The following TRIM9 variants were observed in gnomAD, a reference collection of about 807,000 sequenced individuals.
TRIM9 encodes the protein E3 ubiquitin-protein ligase TRIM9.
Under a neutral mutation model 78.3 loss-of-function variants are expected in TRIM9, and 26 were observed. The observed-to-expected ratio is 0.33, with a 90% CI of 0.24 to 0.46. The LOEUF (loss-of-function observed/expected upper bound fraction) is 0.46, where lower values mean the gene tolerates loss of function less well. Ranked by LOEUF, TRIM9 falls within the 20% of genes least tolerant of loss-of-function variation. The probability of loss-of-function intolerance (pLI) is 1.00; values close to 1 mark genes in which losing one functional copy is unlikely to be tolerated. For missense variants in TRIM9, 787 were observed against 1,036.4 expected (o/e 0.76, Z 3.30); for synonymous variants, 398 against 416.5 (o/e 0.96, Z 0.54).
chr14:51,025,551 G>A (rs778662641), intron 1 of TRIM9, among the ~76,000 whole-genome samples, 191 bp from the exon 2 acceptor site: 14 of 152,118 alleles, frequency 9.2e-5, no homozygotes, highest in Non-Finnish European at 1.6e-4. Context: ...TTTCTCCTTG[G>A]AAGCAGTGAA....
chr14:51,070,486 A>T (rs902452389), intron 1 of TRIM9, among the ~76,000 whole-genome samples: 11 of 152,038 alleles, frequency 7.2e-5, no homozygotes, highest in South Asian at 2.1e-4. Flanking sequence ...CATTATCTAA[A>T]ATGCCTGGGA....
intron 1 of TRIM9, among the ~76,000 whole-genome samples, chr14:51,080,436 A>AACACACACAC (rs34062978): frequency 6.9e-6 from 1 of 143,924 alleles, no homozygotes; most frequent in Non-Finnish European, 1.5e-5. Context: ...AGTTTTATTG[A>AACACACACAC]ACACACACAC....
chr14:50,997,181 A>G, intron 7 of TRIM9: 1 of 985,440 alleles, frequency 1.0e-6, no homozygotes, highest in Non-Finnish European at 1.2e-6. Context: ...ACCTCCTTGT[A>G]GGTTTAATTT....
chr14:51,047,288 C>T (rs762482143), intron 1 of TRIM9, among the ~76,000 whole-genome samples: 3 of 152,192 alleles, frequency 2.0e-5, no homozygotes, highest in Non-Finnish European at 4.4e-5. Context: ...GAAACTCTGT[C>T]CTTGACTTGC....
At chr14:50,989,633 G>C (rs1424907704) in intron 7 of TRIM9, among the ~76,000 whole-genome samples, 2 of 152,202 alleles carry the variant, frequency 1.3e-5, no homozygotes, top group Non-Finnish European at 2.9e-5. Flanking sequence ...GGGATCCCGT[G>C]TGGTTGCAGA....
chr14:51,038,833 A>AT (rs1415985968), intron 1 of TRIM9, among the ~76,000 whole-genome samples: 6 of 152,164 alleles, frequency 3.9e-5, no homozygotes, highest in African/African-American at 1.4e-4. Flanking sequence ...CAGGGAGGAG[A>AT]TTTTAGGTTT....
intron 1 of TRIM9, among the ~76,000 whole-genome samples, chr14:51,082,287 T>C (rs2063371758): frequency 6.6e-6 from 1 of 152,180 alleles, no homozygotes; most frequent in Non-Finnish European, 1.5e-5. Context: ...CATGTCCACA[T>C]AAAAACTTGT....
At chr14:51,016,355 GA>G (rs749449870) in intron 3 of TRIM9, among the ~76,000 whole-genome samples, 1 of 152,028 alleles carries the variant, frequency 6.6e-6, no homozygotes, top group Non-Finnish European at 1.5e-5. Flanking sequence ...ACAGGAGCAG[GA>G]ACCCTACTGT....
At chr14:50,996,518 T>A in intron 7 of TRIM9, 2 of 985,452 alleles carry the variant, frequency 2.0e-6, no homozygotes, top group Non-Finnish European at 2.4e-6. Context: ...GCAGATCTGA[T>A]AACACATATT....
chr14:51,033,012 C>A (rs1015242981), intron 1 of TRIM9, among the ~76,000 whole-genome samples: 7 of 152,284 alleles, frequency 4.6e-5, no homozygotes, highest in African/African-American at 1.7e-4. Flanking sequence ...CCAGAATCTG[C>A]AACACTCAAA....
chr14:51,035,431 AAT>A (rs1225351999), intron 1 of TRIM9, among the ~76,000 whole-genome samples: 10 of 152,320 alleles, frequency 6.6e-5, no homozygotes, highest in African/African-American at 2.4e-4. Context: ...TTATATGAAA[AAT>A]ATTTATCTGA....
chr14:51,010,539 G>A (rs1356659192), intron 3 of TRIM9, 45 bp from the exon 4 acceptor site: 3 of 1,466,044 alleles, frequency 2.0e-6, no homozygotes, highest in African/African-American at 1.4e-5. Context: ...GATGGCAGAG[G>A]GTAGAAGAGA....
intron 11 of TRIM9, 102 bp downstream of exon 11, chr14:50,981,698 G>A: frequency 6.8e-7 from 1 of 1,473,818 alleles, no homozygotes; most frequent in Non-Finnish European, 9.3e-7. Flanking sequence ...CCACCTGTTT[G>A]ATTTCCTGAA....
chr14:51,079,252 C>T (rs2063084761), intron 1 of TRIM9, among the ~76,000 whole-genome samples: 1 of 152,158 alleles, frequency 6.6e-6, no homozygotes, highest in African/African-American at 2.4e-5. Context: ...AACTATTTGG[C>T]TCCACTCAGA....
chr14:51,058,278 C>T (rs1005990010), intron 1 of TRIM9, among the ~76,000 whole-genome samples: 4 of 152,202 alleles, frequency 2.6e-5, no homozygotes, highest in African/African-American at 9.6e-5. Context: ...ATTATCTGAA[C>T]ATCCTTGAGC....
Position 51,094,187 on chromosome 14 carries a change from C to T in TRIM9, c.753G>A (p.Gln251=). The change falls in exon 1 of 13, where the codon CAG becomes CAA. Residue 251 remains glutamine (Q), a synonymous_variant. Coordinates refer to ENST00000684578, the MANE Select transcript of TRIM9 (RefSeq NM_001387360.1). ...TGGAGTGTTTGCCCTCCTCCAAGCA[C>T]TGGTAGCACACGGGCATCTTGCATT... The part of the protein sequence containing the change: ...CVQCKMPVCY[Q]CLEEGKHSSH... 6.2e-7 allele frequency: 1 copy of T among 1,614,266 alleles called. No homozygotes were observed. The highest frequency in any genetic ancestry group is 8.5e-7 in the Non-Finnish European group (1 of 1,180,048).
At chr14:51,014,563 G>C (rs2056941173) in intron 3 of TRIM9, among the ~76,000 whole-genome samples, 1 of 152,164 alleles carries the variant, frequency 6.6e-6, no homozygotes, top group Admixed American at 6.5e-5. Context: ...AATTAACTTA[G>C]AGTTTCTGAA....
intron 1 of TRIM9, among the ~76,000 whole-genome samples, chr14:51,031,074 A>G (rs1313417421): frequency 7.0e-6 from 1 of 143,748 alleles, no homozygotes; most frequent in Non-Finnish European, 1.5e-5. Flanking sequence ...CTTGAACCTG[A>G]GAGGCGGAGG....
chr14:51,052,197 T>G (rs1490529660), intron 1 of TRIM9, among the ~76,000 whole-genome samples: 1 of 152,104 alleles, frequency 6.6e-6, no homozygotes, highest in Non-Finnish European at 1.5e-5. Flanking sequence ...AAATTAATTA[T>G]CTCAATATAT....
Sources: allele counts gnomAD v4.1 joint callset (sites outside exome capture counted in the v4.1 genomes callset), GRCh38; gene constraint gnomAD v4.1.1; transcripts MANE v1.5; gene names NCBI Gene and HGNC (gene_info 2026-07-23, HGNC 2026-07-21).